VPS13D: variants seen among roughly 807,000 people sequenced by gnomAD.
The protein encoded by VPS13D is intermembrane lipid transfer protein VPS13D.
In VPS13D, 187 loss-of-function variants were observed where a neutral mutation model predicts 461.9. The ratio of observed to expected loss-of-function variants is 0.40; its 90% CI spans 0.36 to 0.46. VPS13D has a LOEUF of 0.46. Ranked by LOEUF, VPS13D falls within the 20% of genes least tolerant of loss-of-function variation. The probability of loss-of-function intolerance (pLI) is 0.60; values close to 1 mark genes in which losing one functional copy is unlikely to be tolerated. For missense variants in VPS13D, 4,711 were observed against 5,364.9 expected (o/e 0.88, Z 3.81); for synonymous variants, 1,951 against 1,986.3 (o/e 0.98, Z 0.47).
intron 15 of VPS13D, 130 bp from the exon 16 acceptor site, chr1:12,268,576 T>C: frequency 2.9e-6 from 3 of 1,039,580 alleles, no homozygotes; most frequent in Admixed American, 4.8e-5. Flanking sequence ...ATTTTAAAGA[T>C]AGGCATAAAT....
At chr1:12,373,037 C>T (rs573020642) in intron 54 of VPS13D, among the ~76,000 whole-genome samples, 1 of 143,092 alleles carries the variant, frequency 7.0e-6, no homozygotes, top group African/African-American at 2.6e-5. Context: ...TGCAGTGATG[C>T]TGATCATCTG....
chr1:12,310,813 C>CTCCCTCCTTCCCTCCTTCCTTCCT (rs1642720423), intron 27 of VPS13D, among the ~76,000 whole-genome samples: 9 of 115,886 alleles, frequency 7.8e-5, no homozygotes, highest in Admixed American at 1.9e-4. Context: ...CCCTCCCTCC[C>CTCCCTCCTTCCCTCCTTCCTTCCT]TCCCTCCTTC....
At chr1:12,438,194 A>G (rs573852808) in intron 65 of VPS13D, among the ~76,000 whole-genome samples, 17 of 152,286 alleles carry the variant, frequency 1.1e-4, no homozygotes, top group South Asian at 8.3e-4. Flanking sequence ...CCCAGAATTC[A>G]TATGTTGAAA....
intron 65 of VPS13D, among the ~76,000 whole-genome samples, chr1:12,437,439 T>G (rs1645076285): frequency 6.6e-6 from 1 of 152,190 alleles, no homozygotes; most frequent in South Asian, 2.1e-4. Flanking sequence ...TGTTTGCCAT[T>G]GATCCCCAAA....
chr1:12,304,703 T>C lies in VPS13D; in HGVS notation c.6414T>C (p.Ser2138=). Residue 2138 remains serine, a synonymous_variant, in exon 26 of 70, where the codon TCT becomes TCC. Coordinates refer to ENST00000620676, the MANE Select transcript of VPS13D (RefSeq NM_015378.4). ...TKQQGPQPTL[S]VGQESSSPED... ...AGCAAGGGCCGCAACCCACACTGTC[T>C]GTTGGCCAAGAGTCCAGTAGTCCAG... 1 of 1,613,920 alleles carries C rather than the reference T, an allele frequency of 6.2e-7. No individual in the cohort carries two copies. Among genetic ancestry groups the C allele is most frequent in the Non-Finnish European group, 8.5e-7 (1 of 1,180,026 alleles).
chr1:12,406,224 C>A (rs975132061), intron 63 of VPS13D, among the ~76,000 whole-genome samples: 5 of 152,100 alleles, frequency 3.3e-5, no homozygotes, highest in Non-Finnish European at 7.4e-5. Flanking sequence ...TTTACTGTGT[C>A]TTGAGTCTCC....
intron 68 of VPS13D, among the ~76,000 whole-genome samples, chr1:12,501,848 G>A (rs559032559): frequency 6.6e-6 from 1 of 152,360 alleles, no homozygotes; most frequent in South Asian, 2.1e-4. Context: ...CAGAGAAGGC[G>A]CTGGATGAGT....
In VPS13D at chr1:12,277,067, A is replaced by G. The variant is rs763871847; in HGVS notation, c.3479A>G (p.Tyr1160Cys). 21 of 1,614,186 alleles carry G rather than the reference A, an allele frequency of 1.3e-5. No individual in the cohort carries two copies. The highest frequency in any genetic ancestry group is 2.2e-5 in the South Asian group (2 of 91,070). ...GAACAAGGAACTTACCAGTCTACAT[A>G]TGAACAAAACACTGAGGTTGCAGTG... ...FREQGTYQST[Y>C]EQNTEVAVEI... The change falls in exon 19 of 70, where the codon TAT becomes TGT. Residue 1160 changes from tyrosine (Y) to cysteine (C), a missense_variant. Physicochemically the swap from Tyr to Cys is radical, Grantham distance 194. Coordinates refer to ENST00000620676, the MANE Select transcript of VPS13D (RefSeq NM_015378.4).
At chr1:12,344,121 AC>A (rs1167772798) in intron 42 of VPS13D, among the ~76,000 whole-genome samples, 9 of 152,250 alleles carry the variant, frequency 5.9e-5, no homozygotes, top group African/African-American at 1.7e-4. Flanking sequence ...TGTATTATTT[AC>A]AAGTATTTTT....
chr1:12,334,181 T>G (rs1643396231), intron 38 of VPS13D, among the ~76,000 whole-genome samples: 1 of 152,352 alleles, frequency 6.6e-6, no homozygotes, highest in South Asian at 2.1e-4. Flanking sequence ...AATGAGACCA[T>G]AAGTTTGTTG....
At chr1:12,493,183 TAA>T (rs779968098) in intron 67 of VPS13D, among the ~76,000 whole-genome samples, 9 of 116,716 alleles carry the variant, frequency 7.7e-5, no homozygotes, top group African/African-American at 9.5e-5. Flanking sequence ...GACCAGTTAT[TAA>T]AAAAAAAAAA....
At chr1:12,418,594 T>C (rs1298669704) in intron 65 of VPS13D, among the ~76,000 whole-genome samples, 2 of 152,262 alleles carry the variant, frequency 1.3e-5, no homozygotes, top group African/African-American at 4.8e-5. Flanking sequence ...CAATAGGACT[T>C]CCTCACTGTG....
At chr1:12,246,897 G>C (rs1218621221) in intron 5 of VPS13D, among the ~76,000 whole-genome samples, 1 of 152,160 alleles carries the variant, frequency 6.6e-6, no homozygotes, top group African/African-American at 2.4e-5. Flanking sequence ...GGACATTTGG[G>C]TTGGTTCTCC....
intron 29 of VPS13D, among the ~76,000 whole-genome samples, chr1:12,312,636 T>C (rs1642785860): frequency 6.6e-6 from 1 of 152,168 alleles, no homozygotes; most frequent in Non-Finnish European, 1.5e-5. Flanking sequence ...GGTGCATGCC[T>C]GTAGTCCCAG....
chr1:12,422,335 T>A (rs1042952166), intron 65 of VPS13D, among the ~76,000 whole-genome samples: 4 of 152,206 alleles, frequency 2.6e-5, no homozygotes, highest in Non-Finnish European at 5.9e-5. Context: ...ACATGTTAAT[T>A]TTACTAATAA....
intron 65 of VPS13D, among the ~76,000 whole-genome samples, chr1:12,448,544 C>T (rs907264209): frequency 1.3e-5 from 2 of 152,196 alleles, no homozygotes; most frequent in African/African-American, 4.8e-5. Flanking sequence ...AAAAGTCCTA[C>T]ACTGGGTCCT....
intron 57 of VPS13D, among the ~76,000 whole-genome samples, chr1:12,380,827 G>T (rs1208982128): frequency 6.6e-6 from 1 of 152,086 alleles, no homozygotes; most frequent in Non-Finnish European, 1.5e-5. Context: ...TATCTCTATC[G>T]CCCTGAGCTT....
chr1:12,248,568 C>T (rs115712244), intron 5 of VPS13D, among the ~76,000 whole-genome samples: 2,793 of 152,264 alleles, frequency 0.018, 45 homozygotes, highest in Non-Finnish European at 0.029. Flanking sequence ...TGGTCTCTAA[C>T]TCTTGGGTTC....
At chr1:12,361,617 G>A (rs554836654) in intron 50 of VPS13D, among the ~76,000 whole-genome samples, 5 of 151,012 alleles carry the variant, frequency 3.3e-5, no homozygotes, top group African/African-American at 7.3e-5. Context: ...GGATGGTCTC[G>A]ATCTCCTGAC....
Sources: allele counts gnomAD v4.1 joint callset (sites outside exome capture counted in the v4.1 genomes callset), GRCh38; gene constraint gnomAD v4.1.1; transcripts MANE v1.5; gene names NCBI Gene and HGNC (gene_info 2026-07-23, HGNC 2026-07-21).